CHTF8: variants seen among roughly 807,000 people sequenced by gnomAD.
The protein encoded by CHTF8 is chromosome transmission fidelity protein 8 homolog.
CHTF8 carries 6 observed loss-of-function variants against 11.0 expected under a neutral mutation model. That is an observed-to-expected ratio of 0.55 (90% CI 0.30 to 1.08). CHTF8 has a LOEUF of 1.08. Among genes scored for constraint, CHTF8 ranks in the 50% least tolerant of loss-of-function variants. The pLI, the probability that CHTF8 is intolerant of heterozygous loss-of-function variation, is 0.07. For missense variants in CHTF8, 140 were observed against 153.1 expected (o/e 0.91, Z 0.45); for synonymous variants, 53 against 60.5 (o/e 0.88, Z 0.57).
intron 1 of CHTF8, among the ~76,000 whole-genome samples, chr16:69,125,423 G>T (rs762497641): frequency 3.3e-5 from 5 of 152,146 alleles, no homozygotes; most frequent in Non-Finnish European, 7.3e-5. Flanking sequence ...GCTGCTATGT[G>T]ACAGAGTAGA....
chr16:69,125,325 A>G (rs1961979222), intron 1 of CHTF8, among the ~76,000 whole-genome samples: 1 of 152,218 alleles, frequency 6.6e-6, no homozygotes, highest in Non-Finnish European at 1.5e-5. Flanking sequence ...TCACAAGTCT[A>G]TGATATAGGT....
chr16:69,130,198 T>C (rs1329561872), intron 1 of CHTF8, among the ~76,000 whole-genome samples: 1 of 152,244 alleles, frequency 6.6e-6, no homozygotes, highest in East Asian at 1.9e-4. Flanking sequence ...GTGTGATATG[T>C]ATCCAATTAA....
rs867867822 is a variant in CHTF8 at position 69,123,049 on chromosome 16, G to A, written c.-35-1556C>T. Among the ~76,000 whole-genome samples, 7 of 152,182 alleles carry A rather than the reference G, an allele frequency of 4.6e-5. No homozygotes were observed. In the South Asian group the frequency reaches 1.5e-3, roughly 32 times the overall value. On this transcript the variant is annotated intron_variant, in intron 1 of 3. Transcript: ENST00000448552. ...GCTGGGATTATAGGCTTGAGCCACT[G>A]CACCCGGCCTCTTACTTTTTTCTTC...
In CHTF8 at chr16:69,127,601, C is replaced by CCT. The variant is rs1170530279; in HGVS notation, c.-36+4882_-36+4883insAG. Among the ~76,000 whole-genome samples the CCT allele has an allele frequency of 3.7e-3, 388 of 104,446 alleles. 4 individuals carry two copies. The highest frequency in any genetic ancestry group is 0.014 in the African/African-American group (358 of 26,098). The allele number at this position is 104,446 out of a possible 152,430, so 68.5% of individuals were successfully genotyped here. ...GTCAGTGGAAGAGCTCTCCCGGCAA[C>CCT]TTTTTTTTTTTTTTTTTTTTTTTTG... On this transcript the variant is annotated intron_variant, in intron 1 of 3. Transcript: ENST00000448552.
rs1274157829 is a variant in CHTF8, at chr16:69,119,216, G to T, written c.*1209C>A. 9 of 703,018 alleles carry T rather than the reference G, an allele frequency of 1.3e-5. No individual in the cohort carries two copies. The highest frequency in any genetic ancestry group is 2.3e-5 in the Non-Finnish European group (9 of 384,984). 43.5% of individuals were successfully genotyped at this position (703,018 alleles called of 1,614,324 possible). A position where few individuals can be genotyped will look rare whatever the true frequency, so the allele number is the denominator to read the frequency against. ...AAGTTAGCTGGGTTGGGGCCAAGTG[G>T]CCCAGAGGCTCTTGGGAAAATGGTT... is the stretch of plus-strand genomic sequence containing the variant. On this transcript the variant is annotated 3_prime_UTR_variant, in exon 4 of 4. Transcript: ENST00000448552.
At position 69,128,511 on chromosome 16, in the gene CHTF8, G is replaced by C. The variant is rs145325077; in HGVS notation, c.-36+3973C>G. The stretch of plus-strand genomic sequence containing the variant: ...GAGGAGGGAAAAAAGTTTTCTACTT[G>C]ATCTTTATGGGCCTTCACGCAGCTA... On this transcript the variant is annotated intron_variant, in intron 1 of 3. Coordinates refer to ENST00000448552, the MANE Select transcript of CHTF8 (RefSeq NM_001039690.5). Among the ~76,000 whole-genome samples, 114 of 152,214 alleles carry C rather than the reference G, an allele frequency of 7.5e-4. 2 individuals are homozygous for C. In the East Asian group the frequency reaches 0.018, roughly 24 times the overall value.
In CHTF8 at chr16:69,118,202, G is replaced by A. The variant is rs778640628; in HGVS notation, c.*2223C>T. The A allele has an allele frequency of 1.2e-4, 64 of 539,534 alleles. No homozygotes were observed. Among genetic ancestry groups the A allele is most frequent in the Non-Finnish European group, 1.7e-4 (49 of 293,198 alleles). The allele number at this position is 539,534 out of a possible 1,614,324, so 33.4% of individuals were successfully genotyped here. ...GTTCTTTGATTGATTGGGAGTACCA[G>A]TGAAGAGGGAGTTGGATGAGTAGAG... is the stretch of plus-strand genomic sequence containing the variant. On this transcript the variant is annotated 3_prime_UTR_variant, in exon 4 of 4. Coordinates refer to ENST00000448552, the MANE Select transcript of CHTF8 (RefSeq NM_001039690.5).
At position 69,119,557 on chromosome 16, in the gene CHTF8, G is replaced by A. The variant is rs1439270931; in HGVS notation, c.*868C>T. 5 of 702,932 alleles carry A rather than the reference G, an allele frequency of 7.1e-6. No individual in the cohort carries two copies. In the Admixed American group the frequency reaches 8.0e-5, roughly 11 times the overall value. 43.5% of individuals were successfully genotyped at this position (702,932 alleles called of 1,614,324 possible). A position where few individuals can be genotyped will look rare whatever the true frequency, so the allele number is the denominator to read the frequency against. On this transcript the variant is annotated 3_prime_UTR_variant, in exon 4 of 4. Coordinates refer to ENST00000448552, the MANE Select transcript of CHTF8 (RefSeq NM_001039690.5). ...CATGTTTCCAGAAGCCTGTGAGAAA[G>A]AAGCTGAATTTGCTCCTAAAAGACC...
Position 69,118,396 on chromosome 16 carries a change from A to G in CHTF8, c.*2029T>C. Reference sequence around the variant, plus strand: ...TGGCAGTAGAGGATGACCAGGTCCAAGCTGCCCAGGTCAGAGCTACGGAAG... The same window carrying G: ...TGGCAGTAGAGGATGACCAGGTCCAGGCTGCCCAGGTCAGAGCTACGGAAG... On this transcript the variant is annotated 3_prime_UTR_variant, in exon 4 of 4. Coordinates refer to ENST00000448552, the MANE Select transcript of CHTF8 (RefSeq NM_001039690.5). 6.2e-7 allele frequency: 1 copy of G among 1,613,238 alleles called. No individual in the cohort carries two copies. The highest frequency in any genetic ancestry group is 8.5e-7 in the Non-Finnish European group (1 of 1,179,180).
rs986428801 is a variant in CHTF8, at chr16:69,119,813, C to T, written c.*612G>A. 5.7e-5 allele frequency: 40 copies of T among 700,746 alleles called. No individual in the cohort carries two copies. The African/African-American group carries it at 7.0e-4, about 12-fold the overall frequency. 43.4% of individuals were successfully genotyped at this position (700,746 alleles called of 1,614,324 possible). On this transcript the variant is annotated 3_prime_UTR_variant, in exon 4 of 4. Coordinates refer to ENST00000448552, the MANE Select transcript of CHTF8 (RefSeq NM_001039690.5). ...CTCAGATTGGGGTTTGGTCCTGGGC[C>T]CAGGCCAACTGGCCTAGGATTGGGA...
chr16:69,123,389 G>A (rs1961823105), intron 1 of CHTF8, among the ~76,000 whole-genome samples: 1 of 152,206 alleles, frequency 6.6e-6, no homozygotes, highest in African/African-American at 2.4e-5. Flanking sequence ...CAGGCGCGGT[G>A]TCTCAGGCCT....
intron 1 of CHTF8, among the ~76,000 whole-genome samples, chr16:69,126,236 G>C (rs1431576433): frequency 6.6e-6 from 1 of 152,188 alleles, no homozygotes; most frequent in Non-Finnish European, 1.5e-5. Flanking sequence ...CCTACTTCCT[G>C]ACAACCAAAA....
At chr16:69,129,242 A>T (rs562930929) in intron 1 of CHTF8, among the ~76,000 whole-genome samples, 3 of 151,926 alleles carry the variant, frequency 2.0e-5, no homozygotes, top group East Asian at 3.9e-4. Flanking sequence ...CATCCTGGAT[A>T]ACACAGTGAA....
In CHTF8 at chr16:69,118,593, G is replaced by T. The variant is rs1489267707; in HGVS notation, c.*1832C>A. On this transcript the variant is annotated 3_prime_UTR_variant, in exon 4 of 4. Coordinates refer to ENST00000448552, the MANE Select transcript of CHTF8 (RefSeq NM_001039690.5). ...AACAATGGGCAGAAAGCTGTGGGAC[G>T]AAAGCACAGCAGGCTTCTGGGAGGC... 1.4e-6 allele frequency: 1 copy of T among 723,952 alleles called. No homozygotes were observed. The highest frequency in any genetic ancestry group is 2.5e-6 in the Non-Finnish European group (1 of 397,476). 44.8% of individuals were successfully genotyped at this position (723,952 alleles called of 1,614,324 possible). A position where few individuals can be genotyped will look rare whatever the true frequency, so the allele number is the denominator to read the frequency against.
rs1389288092 is a variant in CHTF8, at chr16:69,120,586, GT to G, written c.204del (p.Lys68AsnfsTer29). The G allele has an allele frequency of 1.2e-5, 19 of 1,613,894 alleles. No homozygotes were observed. The highest frequency in any genetic ancestry group is 1.6e-5 in the Non-Finnish European group (19 of 1,179,978). ...GTGTGTTTGACAAGGACTGCAAAAGGTTTCTCCAGGTGGATGATTTTCCCAT... is the reference window on the plus strand; with the variant it reads ...GTGTGTTTGACAAGGACTGCAAAAGGTTCTCCAGGTGGATGATTTTCCCAT... ...ILYGKIIHLE[K>X]PFAVLVKHTP... On this transcript the variant is annotated frameshift_variant, in exon 4 of 4. Transcript: ENST00000448552. LOFTEE classifies it high-confidence loss of function. The surrounding 1 kb of genome is among the most constrained non-coding windows in gnomAD (Gnocchi z 4.0).
Position 69,120,544 on chromosome 16 carries a change from A to G in CHTF8, c.247T>C (p.Cys83Arg). The change falls in exon 4 of 4, where the codon TGT becomes CGT. Residue 83 changes from cysteine (C) to arginine (R), a missense_variant. By Grantham distance (180) the Cys-to-Arg change is radical. Transcript: ENST00000448552. The surrounding 1 kb of genome is among the most constrained non-coding windows in gnomAD (Gnocchi z 4.0). ...LVKHTPGDQD[C>R]DELGRETGTR... ...CCAGTCTCGCGGCCAAGCTCATCAC[A>G]GTCCTGATCCCCAGGAGTGTGTTTG... is the stretch of plus-strand genomic sequence containing the variant. 6.2e-7 allele frequency: 1 copy of G among 1,614,144 alleles called. No homozygotes were observed. Among genetic ancestry groups the G allele is most frequent in the Non-Finnish European group, 8.5e-7 (1 of 1,180,018 alleles).
At chr16:69,122,232 C>T (rs535044871) in intron 1 of CHTF8, among the ~76,000 whole-genome samples, 1 of 152,258 alleles carries the variant, frequency 6.6e-6, no homozygotes, top group African/African-American at 2.4e-5. Flanking sequence ...TTAAAATCAC[C>T]AATGGTCAAC....
In CHTF8 at chr16:69,118,127, A is replaced by AC. The variant is rs1597103494; in HGVS notation, c.*2297dup. 8.9e-5 allele frequency: 13 copies of AC among 146,304 alleles called. No homozygotes were observed. Among genetic ancestry groups the AC allele is most frequent in the South Asian group, 1.9e-4 (3 of 15,980 alleles). The allele number at this position is 146,304 out of a possible 1,614,324, so 9.1% of individuals were successfully genotyped here. Reference sequence around the variant, plus strand: ...CAGTGATTTCTTCCCTTCATCCCCCACCCCCACCCTAATTCCCATATTCCC... The same window carrying AC: ...CAGTGATTTCTTCCCTTCATCCCCCACCCCCCACCCTAATTCCCATATTCCC... On this transcript the variant is annotated 3_prime_UTR_variant, in exon 4 of 4. Transcript: ENST00000448552.
Position 69,132,152 on chromosome 16 carries a change from G to A in CHTF8, c.-36+332C>T, listed in dbSNP as rs1158004708. 3 of 143,846 alleles carry A rather than the reference G, an allele frequency of 2.1e-5. 1 individual carries two copies. The highest frequency in any genetic ancestry group is 4.5e-5 in the Non-Finnish European group (3 of 66,416). The allele number at this position is 143,846 out of a possible 1,614,324, so 8.9% of individuals were successfully genotyped here. ...CCGCCCGCGCTCGGCCACCCTTTCC[G>A]CCCTTCTCCCGCTCCGCCCCGCTCG... On this transcript the variant is annotated intron_variant, in intron 1 of 3. Transcript: ENST00000448552.
Sources: gnomAD v4.1 joint callset for allele counts (sites outside exome capture counted in the v4.1 genomes callset) on GRCh38, gnomAD v4.1.1 for gene constraint, Gnocchi (gnomAD v3.1) non-coding constraint, MANE v1.5 for transcripts, NCBI Gene and HGNC (gene_info 2026-07-23, HGNC 2026-07-21) for gene names.